BST1: variants seen among roughly 807,000 people sequenced by gnomAD.
The protein encoded by BST1 is bone marrow stromal cell antigen 1.
Under a neutral mutation model 40.6 loss-of-function variants are expected in BST1, and 49 were observed. The ratio of observed to expected loss-of-function variants is 1.21; its 90% CI spans 0.96 to 1.53. The LOEUF (loss-of-function observed/expected upper bound fraction) is 1.53. Ranked by LOEUF, BST1 falls within the 40% of genes most tolerant of loss-of-function variation. BST1 has a pLI of 0.00. For missense variants in BST1, 423 were observed against 395.9 expected, an observed-to-expected ratio of 1.07 and a Z score of -0.58; for synonymous variants, 157 against 159.3, an observed-to-expected ratio of 0.99 and a Z score of 0.11.
At chr4:15,713,522 A>G (rs1720336852) in intron 4 of BST1, among the ~76,000 whole-genome samples, 1 of 151,998 alleles carries the variant, frequency 6.6e-6, no homozygotes, top group South Asian at 2.1e-4. Flanking sequence ...TGAGGCAGAG[A>G]CTTTTAACAC....
intron 8 of BST1, among the ~76,000 whole-genome samples, chr4:15,727,328 T>C (rs915225471): frequency 2.6e-5 from 4 of 152,194 alleles, no homozygotes; most frequent in African/African-American, 9.7e-5. Flanking sequence ...TCAGTGACTG[T>C]TGGTAGACAT....
downstream of BST1, among the ~76,000 whole-genome samples, chr4:15,733,695 G>C (rs1207158249): frequency 6.6e-6 from 1 of 152,140 alleles, no homozygotes; most frequent in Non-Finnish European, 1.5e-5. Context: ...AGGGGGAGGT[G>C]CTACATGCTT....
downstream of BST1, chr4:15,737,685 T>G: frequency 1.3e-6 from 1 of 796,490 alleles, no homozygotes; most frequent in East Asian, 6.5e-5. Context: ...AAGAACTGAG[T>G]TCTCTTTCCT....
At chr4:15,745,192 A>G in the BST1 span, among the ~76,000 whole-genome samples, 1 of 152,198 alleles carries the variant, frequency 6.6e-6, no homozygotes, top group Non-Finnish European at 1.5e-5. Flanking sequence ...CTCATAATAA[A>G]TCAAGGTGTC....
chr4:15,720,151 C>G (rs945697501), intron 7 of BST1, among the ~76,000 whole-genome samples: 1 of 152,122 alleles, frequency 6.6e-6, no homozygotes, highest in African/African-American at 2.4e-5. Flanking sequence ...CCCATAGTAA[C>G]CACTCTCTAG....
intron 8 of BST1, among the ~76,000 whole-genome samples, chr4:15,726,323 GGAAT>G (rs1435302964): frequency 1.3e-5 from 2 of 151,290 alleles, no homozygotes; most frequent in Non-Finnish European, 3.0e-5. Context: ...TAGACACTTA[GGAAT>G]GAATGAATGG....
the BST1 span, among the ~76,000 whole-genome samples, chr4:15,748,599 A>T: frequency 6.6e-6 from 1 of 152,212 alleles, no homozygotes; most frequent in Non-Finnish European, 1.5e-5. Context: ...TTTCTTGATT[A>T]TTCTGCTGTG....
intron 8 of BST1, among the ~76,000 whole-genome samples, chr4:15,726,984 C>T (rs1215830662): frequency 6.6e-6 from 1 of 151,678 alleles, no homozygotes; most frequent in African/African-American, 2.4e-5. Context: ...AATTCCCCTG[C>T]TTCAGCCTCC....
At chr4:15,729,825 T>G (rs1236630582) in intron 8 of BST1, among the ~76,000 whole-genome samples, 1 of 151,980 alleles carries the variant, frequency 6.6e-6, no homozygotes, top group Non-Finnish European at 1.5e-5. Flanking sequence ...TATTTGTGCA[T>G]GATAATGGAT....
the BST1 span, among the ~76,000 whole-genome samples, chr4:15,745,349 C>T: frequency 1.3e-5 from 2 of 152,146 alleles, no homozygotes; most frequent in Admixed American, 6.5e-5. Context: ...ACTCTGATTA[C>T]ATTTTGTCAG....
the BST1 span, among the ~76,000 whole-genome samples, chr4:15,755,065 G>T: frequency 0.011 from 1,675 of 152,284 alleles, 33 homozygotes; most frequent in African/African-American, 0.038. Flanking sequence ...CCATGGGAGA[G>T]ATGTTTTGTA....
the BST1 span, among the ~76,000 whole-genome samples, chr4:15,744,997 G>A: frequency 6.6e-6 from 1 of 151,990 alleles, no homozygotes; most frequent in African/African-American, 2.4e-5. Flanking sequence ...AACATGTTTA[G>A]CATTTCAGTA....
the BST1 span, among the ~76,000 whole-genome samples, chr4:15,771,716 A>C: frequency 1.3e-5 from 2 of 152,242 alleles, no homozygotes; most frequent in Non-Finnish European, 2.9e-5. Flanking sequence ...TCCAAATTAT[A>C]AGTGCTTGTG....
the BST1 span, among the ~76,000 whole-genome samples, chr4:15,772,231 T>A: frequency 6.6e-6 from 1 of 152,214 alleles, no homozygotes; most frequent in Non-Finnish European, 1.5e-5. Context: ...GCTGGAAAAC[T>A]ATAATTCCTA....
chr4:15,768,045 C>T, the BST1 span, among the ~76,000 whole-genome samples: 1 of 152,264 alleles, frequency 6.6e-6, no homozygotes, highest in South Asian at 2.1e-4. Flanking sequence ...ATTTTTAAAT[C>T]CTCTTCTTCC....
At chr4:15,773,575 T>C in the BST1 span, among the ~76,000 whole-genome samples, 68 of 151,830 alleles carry the variant, frequency 4.5e-4, 2 homozygotes, top group Admixed American at 6.6e-4. Flanking sequence ...TTGAGGAGAG[T>C]GGATGGCCTG....
chr4:15,768,660 ATTT>A, the BST1 span, among the ~76,000 whole-genome samples: 1 of 150,256 alleles, frequency 6.7e-6, no homozygotes, highest in Non-Finnish European at 1.5e-5. Context: ...CGCCCGGCTA[ATTT>A]TTTTTTGTAT....
At chr4:15,735,539 A>AGT (rs560731291), downstream of BST1, among the ~76,000 whole-genome samples, 1 of 152,214 alleles carries the variant, frequency 6.6e-6, no homozygotes, top group South Asian at 2.1e-4. Context: ...AAACACTTGA[A>AGT]GTGTGTGATA....
chr4:15,736,623 A>G (rs1318786182), downstream of BST1, among the ~76,000 whole-genome samples: 1 of 151,858 alleles, frequency 6.6e-6, no homozygotes, highest in Non-Finnish European at 1.5e-5. Flanking sequence ...AAAAAAAAAA[A>G]AATCTGCGAT....
Sources: allele counts gnomAD v4.1 joint callset (sites outside exome capture counted in the v4.1 genomes callset), GRCh38; gene constraint gnomAD v4.1.1; transcripts MANE v1.5; gene names NCBI Gene and HGNC (gene_info 2026-07-23, HGNC 2026-07-21).